Variants in SEMA5A observed in about 807,000 individuals in gnomAD.
The protein encoded by SEMA5A is semaphorin-5A.
SEMA5A carries 55 observed loss-of-function variants against 135.5 expected under a neutral mutation model. That is an observed-to-expected ratio of 0.41 (90% CI 0.33 to 0.51). The LOEUF (loss-of-function observed/expected upper bound fraction) is 0.51, where lower values mean the gene tolerates loss of function less well. SEMA5A is among the 20% of genes least tolerant of loss of function. SEMA5A has a pLI of 0.37. For synonymous variants in SEMA5A, 580 were observed against 546.5 expected (o/e 1.06, Z -0.85); for missense variants, 1,290 against 1,419.9 (o/e 0.91, Z 1.47).
At chr5:9,050,375 A>G in intron 21 of SEMA5A, 35 bp downstream of exon 21, 1 of 1,561,930 alleles carries the variant, frequency 6.4e-7, no homozygotes, top group Non-Finnish European at 8.8e-7. Flanking sequence ...ATATATCAGT[A>G]CATCCATTAC....
intron 1 of SEMA5A, among the ~76,000 whole-genome samples, chr5:9,466,305 C>T (rs1759258391): frequency 6.7e-6 from 1 of 150,270 alleles, no homozygotes; most frequent in Admixed American, 6.6e-5. Flanking sequence ...ACCAACATGG[C>T]ACATGTATAC....
chr5:9,503,303 A>C (rs959571900), intron 1 of SEMA5A, among the ~76,000 whole-genome samples: 2 of 152,242 alleles, frequency 1.3e-5, no homozygotes, highest in African/African-American at 4.8e-5. Flanking sequence ...TGTGAGGTTC[A>C]GCAGGGAAGA....
intron 11 of SEMA5A, among the ~76,000 whole-genome samples, chr5:9,156,681 T>C (rs186375480): frequency 6.6e-6 from 1 of 152,318 alleles, no homozygotes; most frequent in East Asian, 1.9e-4. Context: ...CACTGTGCTG[T>C]GACCAGCGTC....
At chr5:9,221,299 CTT>C (rs869063755) in intron 8 of SEMA5A, among the ~76,000 whole-genome samples, 199 of 103,214 alleles carry the variant, frequency 1.9e-3, no homozygotes, top group Middle Eastern at 5.3e-3. Context: ...CGAACATTTT[CTT>C]TTTTTTTTTT....
At chr5:9,184,119 C>T (rs1056178701) in intron 11 of SEMA5A, among the ~76,000 whole-genome samples, 5 of 147,138 alleles carry the variant, frequency 3.4e-5, no homozygotes, top group African/African-American at 1.3e-4. Flanking sequence ...TTGTGAGTGT[C>T]TGTTTTTTTT....
At chr5:9,293,020 T>C (rs547193065) in intron 5 of SEMA5A, among the ~76,000 whole-genome samples, 111 of 152,340 alleles carry the variant, frequency 7.3e-4, no homozygotes, top group African/African-American at 2.5e-3. Flanking sequence ...TCTTCTGCCC[T>C]GATCATCCTT....
chr5:9,318,320 T>G, intron 5 of SEMA5A, 52 bp downstream of exon 5: 336 of 1,520,596 alleles, frequency 2.2e-4, no homozygotes, highest in Non-Finnish European at 2.8e-4. Context: ...CCTCAAACAG[T>G]GAGTTAATTG....
chr5:9,403,871 G>A (rs1483899578), intron 2 of SEMA5A, among the ~76,000 whole-genome samples: 2 of 152,162 alleles, frequency 1.3e-5, no homozygotes, highest in Non-Finnish European at 1.5e-5. Flanking sequence ...GATATAGAGT[G>A]TTTACATCCA....
At chr5:9,160,088 G>A (rs981919263) in intron 11 of SEMA5A, among the ~76,000 whole-genome samples, 2 of 151,966 alleles carry the variant, frequency 1.3e-5, no homozygotes, top group Admixed American at 6.6e-5. Context: ...TTAGAAGACA[G>A]GTCAATAGGT....
In SEMA5A at chr5:9,304,460, T is replaced by C. The variant is rs115735204; in HGVS notation, c.270+13912A>G. Among the ~76,000 whole-genome samples the C allele has an allele frequency of 5.5e-3, 838 of 152,220 alleles. 7 individuals carry two copies. Among genetic ancestry groups the C allele is most frequent in the African/African-American group, 0.019 (781 of 41,558 alleles). On this transcript the variant is annotated intron_variant, in intron 5 of 22. Coordinates refer to ENST00000382496, the MANE Select transcript of SEMA5A (RefSeq NM_003966.3). ...TACTTTATGAATATAATATCATCTTTATATTATTTTTAAAGTTAAACATAC... is the reference window on the plus strand; with the variant it reads ...TACTTTATGAATATAATATCATCTTCATATTATTTTTAAAGTTAAACATAC...
At chr5:9,514,774 T>C (rs1736414841) in intron 1 of SEMA5A, among the ~76,000 whole-genome samples, 1 of 152,052 alleles carries the variant, frequency 6.6e-6, no homozygotes, top group South Asian at 2.1e-4. Flanking sequence ...ATATGGAGAG[T>C]CAACTGTTAC....
chr5:9,173,605 C>A (rs1300366939), intron 11 of SEMA5A, among the ~76,000 whole-genome samples: 1 of 152,068 alleles, frequency 6.6e-6, no homozygotes, highest in Non-Finnish European at 1.5e-5. Context: ...CATGAGGAAT[C>A]CATCCTCATG....
intron 3 of SEMA5A, among the ~76,000 whole-genome samples, chr5:9,353,700 C>A (rs1018457282): frequency 1.3e-5 from 2 of 152,096 alleles, no homozygotes; most frequent in Admixed American, 6.6e-5. Context: ...TAAGGACATG[C>A]AGGAAATCAT....
At chr5:9,146,563 G>T (rs1742347703) in intron 12 of SEMA5A, among the ~76,000 whole-genome samples, 1 of 152,148 alleles carries the variant, frequency 6.6e-6, no homozygotes, top group South Asian at 2.1e-4. Context: ...GAGGAGATTA[G>T]GTCCTAGTGT....
chr5:9,278,989 CT>C (rs951331011), intron 5 of SEMA5A, among the ~76,000 whole-genome samples: 27 of 152,346 alleles, frequency 1.8e-4, no homozygotes, highest in African/African-American at 6.5e-4. Flanking sequence ...CATTGGAACA[CT>C]GCCTAGTGGA....
intron 16 of SEMA5A, among the ~76,000 whole-genome samples, chr5:9,092,526 C>T (rs1257413281): frequency 1.3e-5 from 2 of 152,148 alleles, no homozygotes; most frequent in Non-Finnish European, 2.9e-5. Flanking sequence ...TGCAGGAACA[C>T]GGAGTTTCAG....
chr5:9,190,050 C>A lies in SEMA5A; in HGVS notation c.1273+217G>T, dbSNP rs10052217. Among the ~76,000 whole-genome samples the A allele has an allele frequency of 4.8e-3, 723 of 152,206 alleles. 10 individuals are homozygous for A. Among genetic ancestry groups the A allele is most frequent in the African/African-American group, 0.017 (695 of 41,506 alleles). On this transcript the variant is annotated intron_variant, in intron 11 of 22. Transcript: ENST00000382496. Reference sequence around the variant, plus strand: ...GCAAAGAAACAAGCCATTGTCTTTCCAATTAAAGTTATGACCAATATAGTG... The same window carrying A: ...GCAAAGAAACAAGCCATTGTCTTTCAAATTAAAGTTATGACCAATATAGTG...
intron 5 of SEMA5A, among the ~76,000 whole-genome samples, chr5:9,251,347 A>T (rs1304532596): frequency 6.6e-6 from 1 of 152,176 alleles, no homozygotes; most frequent in Non-Finnish European, 1.5e-5. Flanking sequence ...GAGCCATGCT[A>T]TTAAATGCTG....
At chr5:9,533,770 C>A (rs1737588650) in intron 1 of SEMA5A, among the ~76,000 whole-genome samples, 1 of 152,182 alleles carries the variant, frequency 6.6e-6, no homozygotes, top group Non-Finnish European at 1.5e-5. Context: ...AGTCTAAGGC[C>A]AAATTCTTTT....
Sources: allele counts gnomAD v4.1 joint callset (sites outside exome capture counted in the v4.1 genomes callset), GRCh38; gene constraint gnomAD v4.1.1; transcripts MANE v1.5; gene names NCBI Gene and HGNC (gene_info 2026-07-23, HGNC 2026-07-21).